The following SLC30A10 variants were observed in gnomAD, a reference collection of about 807,000 sequenced individuals.
The protein encoded by SLC30A10 is solute carrier family 30 member 10.
SLC30A10 carries 8 observed loss-of-function variants against 21.7 expected under a neutral mutation model. The ratio of observed to expected loss-of-function variants is 0.37; its 90% CI spans 0.22 to 0.67. The LOEUF (loss-of-function observed/expected upper bound fraction) is 0.67. Among genes scored for constraint, SLC30A10 ranks in the 30% least tolerant of loss-of-function variants. SLC30A10 has a pLI of 0.58. For synonymous variants in SLC30A10, 272 were observed against 279.4 expected, an observed-to-expected ratio of 0.97 and a Z score of 0.26; for missense variants, 521 against 642.5, an observed-to-expected ratio of 0.81 and a Z score of 2.04.
At chr1:219,949,180 C>A (rs989550462) in intron 1 of SLC30A10, among the ~76,000 whole-genome samples, 36 of 152,320 alleles carry the variant, frequency 2.4e-4, no homozygotes, top group Admixed American at 1.9e-3. Context: ...TAGTTCAACC[C>A]TTGTGGAAGT....
At position 219,927,155 on chromosome 1, in the gene SLC30A10, CA is replaced by C. The variant is rs576957427; in HGVS notation, c.641-51del. 76,518 of 1,558,276 alleles carry C rather than the reference CA, an allele frequency of 0.049. 2,021 individuals carry two copies. The highest frequency in any genetic ancestry group is 0.056 in the Non-Finnish European group (63,359 of 1,138,196). ...GTTGTGTATAAGTTCTACAAACAAA[CA>C]AAAAAAAACCAATGGACTCAAAATA... is the stretch of plus-strand genomic sequence containing the variant. On this transcript the variant is annotated intron_variant, in intron 1 of 3. Coordinates refer to ENST00000366926, the MANE Select transcript of SLC30A10 (RefSeq NM_018713.3).
chr1:219,915,872 A>C lies in SLC30A10; in HGVS notation c.1035T>G (p.Ile345Met). ...VHIWELVSGK[I>M]IATLHIKYPK... ...GATACTTGATGTGCAGGGTGGCAAT[A>C]ATCTTTCCACTTACAAGTTCCCAGA... The change falls in exon 4 of 4, where the codon ATT becomes ATG. Residue 345 changes from isoleucine (I) to methionine (M), a missense_variant. By Grantham distance (10) the Ile-to-Met change is conservative (BLOSUM62 1). Transcript: ENST00000366926. The C allele has an allele frequency of 6.2e-7, 1 of 1,614,232 alleles. No individual in the cohort carries two copies. The highest frequency in any genetic ancestry group is 1.7e-5 in the Admixed American group (1 of 60,028).
chr1:219,932,913 T>C (rs1659989526), upstream of SLC30A10, among the ~76,000 whole-genome samples: 1 of 150,554 alleles, frequency 6.6e-6, no homozygotes, highest in African/African-American at 2.4e-5. Flanking sequence ...AATACAAAAT[T>C]AACCGGGCGT....
intron 1 of SLC30A10, among the ~76,000 whole-genome samples, chr1:219,950,611 C>A (rs527745904): frequency 6.6e-6 from 1 of 151,202 alleles, no homozygotes; most frequent in South Asian, 2.1e-4. Flanking sequence ...TGCACTCCAG[C>A]CTGGGCAACA....
intron 1 of SLC30A10, among the ~76,000 whole-genome samples, chr1:219,939,997 C>T (rs1660099425): frequency 6.6e-6 from 1 of 152,208 alleles, no homozygotes; most frequent in African/African-American, 2.4e-5. Flanking sequence ...CATATCTCTA[C>T]TCCACGTTCT....
intron 1 of SLC30A10, among the ~76,000 whole-genome samples, chr1:219,937,823 A>G (rs974802010): frequency 2.0e-5 from 3 of 152,218 alleles, no homozygotes; most frequent in Non-Finnish European, 2.9e-5. Flanking sequence ...AAAAACTAGA[A>G]TAATTCCTTA....
chr1:219,929,529 T>C (rs1659933263), upstream of SLC30A10, among the ~76,000 whole-genome samples: 1 of 152,032 alleles, frequency 6.6e-6, no homozygotes, highest in African/African-American at 2.4e-5. Flanking sequence ...AAGACTCTTT[T>C]TTTTTTTTGA....
chr1:219,947,754 C>T (rs545071004), intron 1 of SLC30A10, among the ~76,000 whole-genome samples: 16 of 152,088 alleles, frequency 1.1e-4, no homozygotes, highest in African/African-American at 3.9e-4. Context: ...CACTTGAACC[C>T]GGGGGGCAGA....
chr1:219,921,059 C>A (rs548153781), intron 2 of SLC30A10, among the ~76,000 whole-genome samples: 6 of 152,300 alleles, frequency 3.9e-5, no homozygotes, highest in Non-Finnish European at 7.4e-5. Flanking sequence ...AGAAAACAAG[C>A]CGCGTGGAAA....
In SLC30A10 at chr1:219,927,915, G is replaced by A. The variant is rs755653399; in HGVS notation, c.526C>T (p.Pro176Ser). The change falls in exon 1 of 4, where the codon CCG becomes TCG. Residue 176 changes from proline (P) to serine (S), a missense_variant. Coordinates refer to ENST00000366926, the MANE Select transcript of SLC30A10 (RefSeq NM_018713.3). ...AFGGPQGAEDPRRAADPTAPG... is the reference protein window; with the variant it reads ...AFGGPQGAEDSRRAADPTAPG... ...GCTGTCGGGTCCGCCGCGCGCCGCG[G>A]GTCCTCCGCGCCCTGAGGCCCCCCG... 6.5e-7 allele frequency: 1 copy of A among 1,537,810 alleles called. No homozygotes were observed. Among genetic ancestry groups the A allele is most frequent in the Non-Finnish European group, 8.8e-7 (1 of 1,142,106 alleles).
intron 1 of SLC30A10, among the ~76,000 whole-genome samples, chr1:219,953,967 A>G (rs1287563087): frequency 6.6e-6 from 1 of 151,854 alleles, no homozygotes; most frequent in Non-Finnish European, 1.5e-5. Context: ...CAGCCTCCCA[A>G]AGTGCTGGGA....
intron 1 of SLC30A10, among the ~76,000 whole-genome samples, chr1:219,954,234 T>C (rs1484693683): frequency 1.3e-5 from 2 of 152,046 alleles, no homozygotes; most frequent in African/African-American, 2.4e-5. Flanking sequence ...GAGCAACTAA[T>C]CAGCAGTGTG....
intron 1 of SLC30A10, among the ~76,000 whole-genome samples, chr1:219,952,794 A>G (rs1660288419): frequency 6.6e-6 from 1 of 151,592 alleles, no homozygotes; most frequent in South Asian, 2.1e-4. Context: ...TGCACATTGG[A>G]AAAAAAAATT....
At chr1:219,947,312 T>G (rs1660199245) in intron 1 of SLC30A10, among the ~76,000 whole-genome samples, 1 of 152,124 alleles carries the variant, frequency 6.6e-6, no homozygotes, top group South Asian at 2.1e-4. Flanking sequence ...AAGGATTGCT[T>G]GAGGGCAGGA....
Position 219,916,041 on chromosome 1 carries a change from C to G in SLC30A10, c.959-93G>C, listed in dbSNP as rs1443314760. ...GATATGGTTCCGTTAAGCATTCTCA[C>G]CAAAATGGCTGCCTACTTACTACGA... On this transcript the variant is annotated intron_variant, in intron 3 of 3. Transcript: ENST00000366926. 4.0e-6 allele frequency: 6 copies of G among 1,481,736 alleles called. No homozygotes were observed. In the African/African-American group the frequency reaches 5.6e-5, roughly 14 times the overall value. The allele number at this position is 1,481,736 out of a possible 1,614,324, so 91.8% of individuals were successfully genotyped here. A position where few individuals can be genotyped will look rare whatever the true frequency, so the allele number is the denominator to read the frequency against.
intron 2 of SLC30A10, among the ~76,000 whole-genome samples, chr1:219,925,651 A>ATTTTTTTT (rs1210071228): frequency 2.1e-5 from 1 of 48,284 alleles, no homozygotes; most frequent in African/African-American, 1.2e-4. Context: ...ATATATATAT[A>ATTTTTTTT]TTTTTTTTTT....
chr1:219,925,647 A>C (rs113359103), intron 2 of SLC30A10, among the ~76,000 whole-genome samples: 1 of 68,052 alleles, frequency 1.5e-5, no homozygotes, highest in Non-Finnish European at 2.4e-5. Flanking sequence ...ATATATATAT[A>C]TATATTTTTT....
In SLC30A10 at chr1:219,924,080, C is replaced by G. The variant is rs1238129331; in HGVS notation, c.718+2948G>C. On this transcript the variant is annotated intron_variant, in intron 2 of 3. Coordinates refer to ENST00000366926, the MANE Select transcript of SLC30A10 (RefSeq NM_018713.3). ...CATCTCAAAAAACAAAACAAACAAA[C>G]AAACAAAAACTCATTTTTTAAATTC... Among the ~76,000 whole-genome samples the G allele has an allele frequency of 2.6e-5, 4 of 152,202 alleles. No homozygotes were observed. The East Asian group carries it at 7.7e-4, about 29-fold the overall frequency.
At chr1:219,917,461 T>G (rs1659569772) in intron 3 of SLC30A10, among the ~76,000 whole-genome samples, 1 of 152,114 alleles carries the variant, frequency 6.6e-6, no homozygotes, top group Admixed American at 6.5e-5. Context: ...TCTCCTTCCC[T>G]CTCCCACCAC....
Sources: allele counts gnomAD v4.1 joint callset (sites outside exome capture counted in the v4.1 genomes callset), GRCh38; gene constraint gnomAD v4.1.1; transcripts MANE v1.5; gene names NCBI Gene and HGNC (gene_info 2026-07-23, HGNC 2026-07-21).